Variants in FAM13B observed in about 807,000 individuals in gnomAD.
FAM13B encodes protein FAM13B.
In FAM13B, 60 loss-of-function variants were observed where a neutral mutation model predicts 117.3. That is an observed-to-expected ratio of 0.51 (90% CI 0.42 to 0.63). The LOEUF (loss-of-function observed/expected upper bound fraction) is 0.63, where lower values mean the gene tolerates loss of function less well. FAM13B is among the 30% of genes least tolerant of loss of function. The probability of loss-of-function intolerance (pLI) is 0.00; values close to 1 mark genes in which losing one functional copy is unlikely to be tolerated. For synonymous variants in FAM13B, 332 were observed against 356.1 expected (o/e 0.93, Z 0.76); for missense variants, 972 against 1,091.9 (o/e 0.89, Z 1.55).
upstream of FAM13B, among the ~76,000 whole-genome samples, chr5:138,034,998 T>TTTTTTTTTTTTG (rs1790988962): frequency 1.7e-5 from 1 of 57,586 alleles, no homozygotes; most frequent in Non-Finnish European, 4.1e-5. Context: ...CCCTTGCCTT[T>TTTTTTTTTTTTG]TTTTTTTTTT....
At chr5:137,951,788 G>A (rs1228319566) in intron 17 of FAM13B, among the ~76,000 whole-genome samples, 6 of 151,970 alleles carry the variant, frequency 3.9e-5, no homozygotes, top group Non-Finnish European at 7.4e-5. Flanking sequence ...ACCAGCCTGG[G>A]CAACATGGCA....
chr5:137,955,032 T>C (rs1766110979), intron 14 of FAM13B, among the ~76,000 whole-genome samples: 1 of 151,140 alleles, frequency 6.6e-6, no homozygotes, highest in Non-Finnish European at 1.5e-5. Context: ...TTATTTAATA[T>C]AATTCTGAAC....
chr5:138,024,586 A>AG (rs1181742371), intron 1 of FAM13B, among the ~76,000 whole-genome samples: 3 of 151,264 alleles, frequency 2.0e-5, no homozygotes, highest in Non-Finnish European at 2.9e-5. Context: ...TTCTAAAAAA[A>AG]AAAAAGAAAA....
chr5:137,942,023 A>G lies in FAM13B; in HGVS notation c.2611T>C (p.Trp871Arg). ...TTCTTTTTTTCAGCTCTGGCTTTCC[A>G]AAGTTGTTCCAATAATTCAGGCCTA... ...ASMPELLEQL[W>R]KARAEKKKLR... Residue 871 changes from tryptophan (W) to arginine (R), a missense_variant, in exon 23 of 24, where the codon TGG (tryptophan) becomes CGG (arginine). Coordinates refer to ENST00000689681, the MANE Select transcript of FAM13B (RefSeq NM_001385994.1). 6.2e-7 allele frequency: 1 copy of G among 1,613,980 alleles called. No individual in the cohort carries two copies. The highest frequency in any genetic ancestry group is 1.1e-5 in the South Asian group (1 of 91,074).
chr5:137,966,176 C>T (rs948762611), intron 10 of FAM13B, among the ~76,000 whole-genome samples: 19 of 151,564 alleles, frequency 1.3e-4, no homozygotes, highest in African/African-American at 4.6e-4. Flanking sequence ...GTGGCTCATG[C>T]CTGTAATCCC....
At chr5:137,945,815 T>C in intron 20 of FAM13B, 87 bp downstream of exon 20, 1 of 917,154 alleles carries the variant, frequency 1.1e-6, no homozygotes, top group South Asian at 1.7e-5. Flanking sequence ...GGCTGTGTAT[T>C]TCTCCAATAT....
At chr5:138,045,278 A>G (rs1791609330) in intron 1 of FAM13B, among the ~76,000 whole-genome samples, 1 of 152,210 alleles carries the variant, frequency 6.6e-6, no homozygotes, top group African/African-American at 2.4e-5. Flanking sequence ...TCATACCTGT[A>G]ATCCTAGCCC....
At chr5:137,970,441 A>G (rs903334794) in intron 10 of FAM13B, among the ~76,000 whole-genome samples, 1 of 152,166 alleles carries the variant, frequency 6.6e-6, no homozygotes, top group African/African-American at 2.4e-5. Flanking sequence ...GGCCTGCCCT[A>G]AAAGAGCTCC....
intron 7 of FAM13B, among the ~76,000 whole-genome samples, chr5:137,999,701 A>C (rs538350258): frequency 1.3e-5 from 2 of 152,346 alleles, no homozygotes; most frequent in Non-Finnish European, 2.9e-5. Context: ...ACACTAGGAA[A>C]CAACAGAAAT....
At position 138,018,946 on chromosome 5, in the gene FAM13B, A is replaced by T; in HGVS notation, c.157+9T>A. The T allele has an allele frequency of 6.2e-7, 1 of 1,601,654 alleles. No homozygotes were observed. The highest frequency in any genetic ancestry group is 8.5e-7 in the Non-Finnish European group (1 of 1,172,368). On this transcript the variant is annotated intron_variant, in intron 3 of 23. Transcript: ENST00000689681. ...CAAAAGCTAGCCCTCAAAGTAAGGA[A>T]ATGTATACCATGTTCCTCAATATAG...
At chr5:137,942,309 G>A (rs1331491946) in intron 22 of FAM13B, 1 of 426,370 alleles carries the variant, frequency 2.3e-6, no homozygotes, top group African/African-American at 2.0e-5. Context: ...AGAACAAAAA[G>A]ATCAACTCGC....
At chr5:137,946,340 T>TACAAAAAAAAAAAAAAAAAAA in intron 18 of FAM13B, 29 bp from the exon 19 acceptor site, 1 of 1,219,546 alleles carries the variant, frequency 8.2e-7, no homozygotes, top group Non-Finnish European at 1.1e-6. Context: ...AATAACAAAA[T>TACAAAAAAAAAAAAAAAAAAA]ACAAAAAAAA....
chr5:137,950,421 T>G (rs931236635), intron 17 of FAM13B, among the ~76,000 whole-genome samples: 1 of 152,014 alleles, frequency 6.6e-6, no homozygotes, highest in Non-Finnish European at 1.5e-5. Context: ...GAGATGAAAG[T>G]GATAAAATCG....
intron 7 of FAM13B, among the ~76,000 whole-genome samples, chr5:137,996,531 C>A (rs564707716): frequency 6.6e-6 from 1 of 152,120 alleles, no homozygotes; most frequent in Non-Finnish European, 1.5e-5. Flanking sequence ...CCATCAGAAA[C>A]CAATGAACTC....
chr5:138,041,892 CA>C (rs879539600), intron 1 of FAM13B, among the ~76,000 whole-genome samples: 456 of 134,130 alleles, frequency 3.4e-3, no homozygotes, highest in Non-Finnish European at 3.2e-3. Context: ...GACCCTGTCT[CA>C]AAAAAAAAAA....
At chr5:137,961,649 C>T (rs1010009481) in intron 11 of FAM13B, among the ~76,000 whole-genome samples, 3 of 152,174 alleles carry the variant, frequency 2.0e-5, no homozygotes, top group Non-Finnish European at 4.4e-5. Context: ...TATGTCCTGG[C>T]CAACAGGCTG....
chr5:137,968,851 C>T (rs997732251), intron 10 of FAM13B, among the ~76,000 whole-genome samples: 46 of 152,184 alleles, frequency 3.0e-4, no homozygotes, highest in Non-Finnish European at 4.0e-4. Context: ...TGGTGACAGA[C>T]GGCACCTAGA....
chr5:138,007,658 G>A (rs1392282583), intron 6 of FAM13B, among the ~76,000 whole-genome samples: 3 of 152,076 alleles, frequency 2.0e-5, no homozygotes, highest in Non-Finnish European at 2.9e-5. Flanking sequence ...AATTATTCAT[G>A]AAGAGATGGA....
intron 7 of FAM13B, among the ~76,000 whole-genome samples, chr5:138,002,339 T>C (rs969818352): frequency 2.6e-5 from 4 of 152,132 alleles, no homozygotes; most frequent in African/African-American, 9.7e-5. Context: ...GAGACCAGCC[T>C]GGCCAATGTG....
Sources: gnomAD v4.1 joint callset for allele counts (sites outside exome capture counted in the v4.1 genomes callset) on GRCh38, gnomAD v4.1.1 for gene constraint, MANE v1.5 for transcripts, NCBI Gene and HGNC (gene_info 2026-07-23, HGNC 2026-07-21) for gene names.